The following AGMO variants were observed in gnomAD, a reference collection of about 807,000 sequenced individuals.
AGMO encodes the protein glyceryl-ether monooxygenase.
AGMO carries 75 observed loss-of-function variants against 60.2 expected under a neutral mutation model. That is an observed-to-expected ratio of 1.25 (90% CI 1.03 to 1.51). The LOEUF is 1.51. Among genes scored for constraint, AGMO ranks in the 40% most tolerant of loss-of-function variants. The pLI is 0.00. For synonymous variants in AGMO, 261 were observed against 177.1 expected (o/e 1.47, Z -3.76); for missense variants, 763 against 525.5 (o/e 1.45, Z -4.42).
chr7:15,369,789 C>T (rs977586297), intron 10 of AGMO, among the ~76,000 whole-genome samples: 1 of 152,006 alleles, frequency 6.6e-6, no homozygotes, highest in African/African-American at 2.4e-5. Flanking sequence ...GAATATAGAA[C>T]TCAATATGTT....
the AGMO span, among the ~76,000 whole-genome samples, chr7:15,128,031 T>C: frequency 2.5e-4 from 38 of 152,212 alleles, no homozygotes; most frequent in African/African-American, 8.7e-4. Flanking sequence ...AGTTTGGATA[T>C]ACAACCACAA....
the AGMO span, among the ~76,000 whole-genome samples, chr7:15,145,641 T>C: frequency 6.6e-6 from 1 of 152,158 alleles, no homozygotes; most frequent in Admixed American, 6.5e-5. Context: ...ATTGTATTTT[T>C]ACCTTATTTT....
intron 10 of AGMO, among the ~76,000 whole-genome samples, chr7:15,366,913 A>T (rs1783006188): frequency 1.3e-5 from 2 of 152,066 alleles, no homozygotes. Flanking sequence ...ATTCTAAGAC[A>T]GTCTGTCCAT....
At chr7:15,146,908 G>A in the AGMO span, among the ~76,000 whole-genome samples, 1 of 152,148 alleles carries the variant, frequency 6.6e-6, no homozygotes, top group Non-Finnish European at 1.5e-5. Flanking sequence ...AGTGTTTACA[G>A]TAATGAGTTT....
At chr7:15,546,023 T>G (rs1396882028) in intron 2 of AGMO, among the ~76,000 whole-genome samples, 1 of 152,106 alleles carries the variant, frequency 6.6e-6, no homozygotes, top group Non-Finnish European at 1.5e-5. Context: ...CTACCAAAAT[T>G]TTTTATTTTT....
rs1034038083 is a variant in AGMO at position 15,485,243 on chromosome 7, G to A, written c.410-54135C>T. Among the ~76,000 whole-genome samples, 7 of 151,860 alleles carry A rather than the reference G, an allele frequency of 4.6e-5. No homozygotes were observed. The East Asian group carries it at 1.4e-3, about 29-fold the overall frequency. On this transcript the variant is annotated intron_variant, in intron 3 of 12. Coordinates refer to ENST00000342526, the MANE Select transcript of AGMO (RefSeq NM_001004320.2). ...GAGGCAGGAGAATCCCTTGAACCTG[G>A]GAAGCAGAGGTTGCAGTGAGCCGAG...
At chr7:15,535,675 G>A (rs1045572254) in intron 3 of AGMO, among the ~76,000 whole-genome samples, 3 of 151,834 alleles carry the variant, frequency 2.0e-5, no homozygotes, top group South Asian at 2.1e-4. Flanking sequence ...TACATACTAG[G>A]TGTATATATT....
chr7:15,385,571 A>C lies in AGMO; in HGVS notation c.958-9T>G. On this transcript the variant is annotated splice_polypyrimidine_tract_variant and intron_variant, in intron 9 of 12. Coordinates refer to ENST00000342526, the MANE Select transcript of AGMO (RefSeq NM_001004320.2). Reference sequence around the variant, plus strand: ...ACTTCTTTGCCGGTGACCTAGGGAGACAAGAACCATTTCCTTTATATTGCT... The same window carrying C: ...ACTTCTTTGCCGGTGACCTAGGGAGCCAAGAACCATTTCCTTTATATTGCT... 2.0e-6 allele frequency: 3 copies of C among 1,503,102 alleles called. No homozygotes were observed. Among genetic ancestry groups the C allele is most frequent in the Non-Finnish European group, 2.8e-6 (3 of 1,079,994 alleles). The allele number at this position is 1,503,102 out of a possible 1,614,324, so 93.1% of individuals were successfully genotyped here. A position where few individuals can be genotyped will look rare whatever the true frequency, so the allele number is the denominator to read the frequency against.
chr7:15,523,735 G>C (rs1221005732), intron 3 of AGMO, among the ~76,000 whole-genome samples: 2 of 152,070 alleles, frequency 1.3e-5, no homozygotes, highest in Non-Finnish European at 2.9e-5. Context: ...ACCTAATGTA[G>C]ATGACAGGTT....
intron 3 of AGMO, among the ~76,000 whole-genome samples, chr7:15,466,740 T>A (rs1257843728): frequency 1.3e-5 from 2 of 152,186 alleles, no homozygotes; most frequent in Non-Finnish European, 2.9e-5. Context: ...AAGAAATTAT[T>A]TGTAAAGCAT....
chr7:15,281,415 G>A (rs1305793024), intron 12 of AGMO, among the ~76,000 whole-genome samples: 1 of 152,082 alleles, frequency 6.6e-6, no homozygotes, highest in Non-Finnish European at 1.5e-5. Context: ...GGCCCTCCAG[G>A]TTCAGGCTTG....
At chr7:15,250,898 T>C (rs565571896) in intron 12 of AGMO, among the ~76,000 whole-genome samples, 2 of 151,870 alleles carry the variant, frequency 1.3e-5, no homozygotes, top group Non-Finnish European at 2.9e-5. Flanking sequence ...TGAGCCGAGA[T>C]TGCACCACTG....
intron 12 of AGMO, among the ~76,000 whole-genome samples, chr7:15,226,630 T>C (rs1391884241): frequency 2.0e-5 from 3 of 152,102 alleles, no homozygotes; most frequent in African/African-American, 7.2e-5. Flanking sequence ...ATACTCTCTC[T>C]GCATAAGACC....
chr7:15,553,311 TAAAGTA>T (rs1026311267), intron 2 of AGMO, among the ~76,000 whole-genome samples: 2 of 149,212 alleles, frequency 1.3e-5, no homozygotes, highest in Non-Finnish European at 3.0e-5. Context: ...CCCTAAAACT[TAAAGTA>T]TAATAAAAAA....
chr7:15,494,435 A>T (rs1270300546), intron 3 of AGMO, among the ~76,000 whole-genome samples: 1 of 152,210 alleles, frequency 6.6e-6, no homozygotes, highest in Admixed American at 6.5e-5. Flanking sequence ...TGAGATTAAG[A>T]TATGCAATTA....
At chr7:15,326,843 T>C (rs1448807550) in intron 12 of AGMO, among the ~76,000 whole-genome samples, 2 of 152,300 alleles carry the variant, frequency 1.3e-5, no homozygotes, top group Middle Eastern at 3.4e-3. Context: ...AGAGATTTGG[T>C]GCCCTCTGCC....
intron 5 of AGMO, among the ~76,000 whole-genome samples, chr7:15,402,969 A>G (rs551808077): frequency 1.3e-5 from 2 of 151,988 alleles, no homozygotes; most frequent in East Asian, 3.9e-4. Flanking sequence ...AAGGAAATTT[A>G]CACTCCAATG....
intron 8 of AGMO, 140 bp downstream of exon 8, chr7:15,390,527 GAGTT>G: frequency 3.9e-6 from 2 of 516,606 alleles, no homozygotes. Context: ...GTGTAACAAA[GAGTT>G]ATTTGTAAAT....
Position 15,387,398 on chromosome 7 carries a change from C to G in AGMO, c.957+8G>C. 6.2e-7 allele frequency: 1 copy of G among 1,612,936 alleles called. No individual in the cohort carries two copies. Among genetic ancestry groups the G allele is most frequent in the Non-Finnish European group, 8.5e-7 (1 of 1,179,634 alleles). ...TTCACCATCTCCAATTCTGTGAACT[C>G]TATTTACCTCTGGAATTTCTTCACT... On this transcript the variant is annotated splice_region_variant and intron_variant, in intron 9 of 12. Coordinates refer to ENST00000342526, the MANE Select transcript of AGMO (RefSeq NM_001004320.2).
Sources: allele counts gnomAD v4.1 joint callset (sites outside exome capture counted in the v4.1 genomes callset), GRCh38; gene constraint gnomAD v4.1.1; transcripts MANE v1.5; gene names NCBI Gene and HGNC (gene_info 2026-07-23, HGNC 2026-07-21).